Variants in MAP2K5 observed in about 807,000 individuals in gnomAD.
MAP2K5 encodes the protein mitogen-activated protein kinase kinase 5.
In MAP2K5, 49 loss-of-function variants were observed where a neutral mutation model predicts 83.1. The observed-to-expected ratio is 0.59, with a 90% CI of 0.47 to 0.75. The LOEUF is 0.75. MAP2K5 is among the 30% of genes least tolerant of loss of function. The pLI, the probability that MAP2K5 is intolerant of heterozygous loss-of-function variation, is 0.00. For missense variants in MAP2K5, 457 were observed against 557.5 expected (o/e 0.82, Z 1.82); for synonymous variants, 202 against 191.8 (o/e 1.05, Z -0.44).
intron 13 of MAP2K5, among the ~76,000 whole-genome samples, chr15:67,680,262 T>C (rs2087786473): frequency 6.6e-6 from 1 of 152,244 alleles, no homozygotes; most frequent in Non-Finnish European, 1.5e-5. Context: ...TTTGGGACGA[T>C]TATGAATAAT....
chr15:67,619,583 A>G (rs2086133722), intron 8 of MAP2K5, among the ~76,000 whole-genome samples: 1 of 152,248 alleles, frequency 6.6e-6, no homozygotes, highest in Admixed American at 6.5e-5. Context: ...AAAGTAGAAC[A>G]TAACATAGAC....
intron 21 of MAP2K5, among the ~76,000 whole-genome samples, chr15:67,804,471 C>CCGGCAT (rs1294648770): frequency 6.6e-6 from 1 of 152,222 alleles, no homozygotes; most frequent in Admixed American, 6.5e-5. Context: ...GCAGGAGAGG[C>CCGGCAT]CGGCATCTCC....
Position 67,785,152 on chromosome 15 carries a change from C to G in MAP2K5, c.1242+12400C>G, listed in dbSNP as rs2090395438. On this transcript the variant is annotated intron_variant, in intron 21 of 21. Coordinates refer to ENST00000178640, the MANE Select transcript of MAP2K5 (RefSeq NM_145160.3). This position sits in a 1 kb window ranked among gnomAD's most constrained non-coding sequence, Gnocchi z 4.4. ...TAGAGACGGGGTTTCCCCATGTTGC[C>G]CAGGCTGGTCTCAAACTCCTGACCT... Among the ~76,000 whole-genome samples the G allele has an allele frequency of 6.6e-6, 1 of 152,098 alleles. No individual in the cohort carries two copies. The highest frequency in any genetic ancestry group is 6.5e-5 in the Admixed American group (1 of 15,280).
rs1184766135 is a variant in MAP2K5, at chr15:67,577,168, C to G, written c.253-3586C>G. Among the ~76,000 whole-genome samples, 1 of 151,964 alleles carries G rather than the reference C, an allele frequency of 6.6e-6. No individual in the cohort carries two copies. Among genetic ancestry groups the G allele is most frequent in the Non-Finnish European group, 1.5e-5 (1 of 67,988 alleles). ...GCCGGGATGGTCTCGATCTCCTGAC[C>G]TCATGATCCACCCGCCTCGGCCTCC... On this transcript the variant is annotated intron_variant, in intron 3 of 21. Coordinates refer to ENST00000178640, the MANE Select transcript of MAP2K5 (RefSeq NM_145160.3). The surrounding 1 kb of genome is among the most constrained non-coding windows in gnomAD (Gnocchi z 4.1).
At chr15:67,799,056 C>G (rs965123536) in intron 21 of MAP2K5, among the ~76,000 whole-genome samples, 1 of 152,240 alleles carries the variant, frequency 6.6e-6, no homozygotes, top group Non-Finnish European at 1.5e-5. Context: ...GTAATCCCAG[C>G]TACTCAGGAG....
At chr15:67,669,236 G>C (rs2087464462) in intron 13 of MAP2K5, among the ~76,000 whole-genome samples, 1 of 152,140 alleles carries the variant, frequency 6.6e-6, no homozygotes, top group Non-Finnish European at 1.5e-5. Context: ...AGCAGTGATA[G>C]AGTGGGTTAG....
At chr15:67,733,399 G>T (rs2089268108) in intron 17 of MAP2K5, among the ~76,000 whole-genome samples, 2 of 152,056 alleles carry the variant, frequency 1.3e-5, no homozygotes, top group Non-Finnish European at 2.9e-5. Context: ...TAGTAAAAAA[G>T]GATCAAAAAG....
chr15:67,585,774 A>T, intron 4 of MAP2K5, 116 bp from the exon 5 acceptor site: 1 of 851,926 alleles, frequency 1.2e-6, no homozygotes, highest in Non-Finnish European at 2.0e-6. Context: ...GCCACTTTTC[A>T]ATCATTTCTC....
At chr15:67,694,730 A>G (rs1190972928) in intron 15 of MAP2K5, among the ~76,000 whole-genome samples, 1 of 152,014 alleles carries the variant, frequency 6.6e-6, no homozygotes, top group Non-Finnish European at 1.5e-5. Flanking sequence ...AACTAGAAAT[A>G]CCATTTGACC....
intron 17 of MAP2K5, among the ~76,000 whole-genome samples, chr15:67,734,865 A>G (rs2089303592): frequency 6.6e-6 from 1 of 152,178 alleles, no homozygotes; most frequent in Admixed American, 6.5e-5. Context: ...TAATCACCCC[A>G]AACTTCAAGT....
In MAP2K5 at chr15:67,619,256, C is replaced by T. The variant is rs146593607; in HGVS notation, c.546-11632C>T. 5.0e-3 allele frequency among the ~76,000 whole-genome samples: 766 copies of T among 152,280 alleles called. 12 individuals carry two copies. The highest frequency in any genetic ancestry group is 0.017 in the African/African-American group (725 of 41,558). On this transcript the variant is annotated intron_variant, in intron 8 of 21. Coordinates refer to ENST00000178640, the MANE Select transcript of MAP2K5 (RefSeq NM_145160.3). ...AACCCTAATATCAAATAGCATGTCC[C>T]TAATGTTGATCAGTCTCTATATCCT...
In MAP2K5 at chr15:67,543,286, G is replaced by A. The variant is rs1440590370; in HGVS notation, c.-50G>A. ...ACCTCTTGGAGCCCCCTCCTAACCA[G>A]CGGCCAGTGGGTTTCCCATACCCCA... is the stretch of plus-strand genomic sequence containing the variant. On this transcript the variant is annotated 5_prime_UTR_variant, in exon 1 of 22. Transcript: ENST00000178640. The surrounding 1 kb of genome is among the most constrained non-coding windows in gnomAD (Gnocchi z 4.3). 1 of 1,609,854 alleles carries A rather than the reference G, an allele frequency of 6.2e-7. No homozygotes were observed. Among genetic ancestry groups the A allele is most frequent in the Non-Finnish European group, 8.5e-7 (1 of 1,176,922 alleles).
Position 67,644,708 on chromosome 15 carries a change from C to G in MAP2K5, c.586-1523C>G, listed in dbSNP as rs2086792362. ...AGGGAAACGTGGTTTCCTCCTCACTCAAAAGAAGGGAGTTAATGAAATAAG... is the reference window on the plus strand; with the variant it reads ...AGGGAAACGTGGTTTCCTCCTCACTGAAAAGAAGGGAGTTAATGAAATAAG... On this transcript the variant is annotated intron_variant, in intron 9 of 21. Transcript: ENST00000178640. This position sits in a 1 kb window ranked among gnomAD's most constrained non-coding sequence, Gnocchi z 4.6. 6.6e-6 allele frequency among the ~76,000 whole-genome samples: 1 copy of G among 151,602 alleles called. No homozygotes were observed. Among genetic ancestry groups the G allele is most frequent in the African/African-American group, 2.4e-5 (1 of 41,202 alleles).
chr15:67,685,630 T>C (rs1012228609), intron 13 of MAP2K5, among the ~76,000 whole-genome samples: 2 of 152,154 alleles, frequency 1.3e-5, no homozygotes, highest in African/African-American at 4.8e-5. Context: ...AGAAGAAAGA[T>C]GTATGAAAAT....
intron 2 of MAP2K5, among the ~76,000 whole-genome samples, chr15:67,560,210 A>T (rs2084706069): frequency 6.6e-6 from 1 of 152,190 alleles, no homozygotes; most frequent in Admixed American, 6.5e-5. Context: ...TTTTTGCTTT[A>T]CAGGTTAAGG....
At chr15:67,599,970 A>G (rs2085619200) in intron 7 of MAP2K5, among the ~76,000 whole-genome samples, 1 of 150,668 alleles carries the variant, frequency 6.6e-6, no homozygotes, top group South Asian at 2.1e-4. Flanking sequence ...AATAGGTTTT[A>G]TAGAACCTTG....
At chr15:67,558,433 G>C (rs1401695516) in intron 2 of MAP2K5, among the ~76,000 whole-genome samples, 1 of 152,108 alleles carries the variant, frequency 6.6e-6, no homozygotes, top group Non-Finnish European at 1.5e-5. Flanking sequence ...CCTCCAAACT[G>C]GTCTCCCTGT....
intron 11 of MAP2K5, 49 bp downstream of exon 11, chr15:67,646,518 A>G (rs1361780842): frequency 9.2e-7 from 1 of 1,091,650 alleles, no homozygotes. Flanking sequence ...TAGAGTATAT[A>G]GTGCTTTAAA....
chr15:67,626,341 G>T (rs1022085773), intron 8 of MAP2K5, among the ~76,000 whole-genome samples: 1 of 152,098 alleles, frequency 6.6e-6, no homozygotes, highest in African/African-American at 2.4e-5. Flanking sequence ...TGGCCAACAT[G>T]GTGAAACCTT....
Sources: gnomAD v4.1 joint callset for allele counts (sites outside exome capture counted in the v4.1 genomes callset) on GRCh38, gnomAD v4.1.1 for gene constraint, Gnocchi (gnomAD v3.1) non-coding constraint, MANE v1.5 for transcripts, NCBI Gene and HGNC (gene_info 2026-07-23, HGNC 2026-07-21) for gene names.